Variants in ZNF44 observed in about 807,000 individuals in gnomAD.
ZNF44 encodes gonadotropin inducible transcription repressor-2.
ZNF44 carries 9 observed loss-of-function variants against 11.7 expected under a neutral mutation model. The observed-to-expected ratio is 0.77, with a 90% CI of 0.46 to 1.35. The LOEUF (loss-of-function observed/expected upper bound fraction) is 1.35, where lower values mean the gene tolerates loss of function less well. Among genes scored for constraint, ZNF44 ranks in the 40% most tolerant of loss-of-function variants. The pLI is 0.00. For synonymous variants in ZNF44, 224 were observed against 242.7 expected, an observed-to-expected ratio of 0.92 and a Z score of 0.72; for missense variants, 696 against 743.1, an observed-to-expected ratio of 0.94 and a Z score of 0.74.
In ZNF44 at chr19:12,272,406, C is replaced by T; in HGVS notation, c.*1G>A. 2 of 1,535,802 alleles carry T rather than the reference C, an allele frequency of 1.3e-6. No homozygotes were observed. Among genetic ancestry groups the T allele is most frequent in the South Asian group, 1.3e-5 (1 of 76,312 alleles). ...TGAATGCTTTCCCACATTCCATACACTTATAGAATATCCTTCCAGTGTGTC... is the reference window on the plus strand; with the variant it reads ...TGAATGCTTTCCCACATTCCATACATTTATAGAATATCCTTCCAGTGTGTC... On this transcript the variant is annotated 3_prime_UTR_variant, in exon 4 of 4. Transcript: ENST00000355684.
At chr19:12,235,289 A>C (rs1394157487) in intron 1 of ZNF44, among the ~76,000 whole-genome samples, 5 of 152,190 alleles carry the variant, frequency 3.3e-5, no homozygotes, top group African/African-American at 1.2e-4. Context: ...GAATGGCGTG[A>C]ACCTGGGAGG....
chr19:12,276,050 G>A lies in ZNF44; in HGVS notation c.36C>T (p.Asn12=). The change falls in exon 2 of 4, where the codon AAC becomes AAT. Residue 12 remains asparagine, a synonymous_variant. Coordinates refer to ENST00000355684, the MANE Select transcript of ZNF44 (RefSeq NM_016264.4). ...DSVAFEDVAV[N]FTHEEWALLG... Reference sequence around the variant, plus strand: ...GCAAAGCCCACTCCTCATGGGTGAAGTTCACAGCCACATCCTCAAAGGCCA... The same window carrying A: ...GCAAAGCCCACTCCTCATGGGTGAAATTCACAGCCACATCCTCAAAGGCCA... The A allele has an allele frequency of 1.2e-6, 2 of 1,608,470 alleles. No individual in the cohort carries two copies. Among genetic ancestry groups the A allele is most frequent in the Non-Finnish European group, 8.5e-7 (1 of 1,176,182 alleles).
chr19:12,286,104 G>A (rs1401471414), intron 1 of ZNF44, among the ~76,000 whole-genome samples: 3 of 152,152 alleles, frequency 2.0e-5, no homozygotes, highest in South Asian at 4.1e-4. Context: ...ATTTTAGCAT[G>A]TGTCAAACAG....
chr19:12,260,247 G>C (rs985334190), intron 5 of ZNF44: 1 of 808,308 alleles, frequency 1.2e-6, no homozygotes, highest in African/African-American at 1.7e-5. Flanking sequence ...CCGCTACAAC[G>C]GGCTGATTCA....
At chr19:12,230,255 G>A (rs747128454) in intron 3 of ZNF44, among the ~76,000 whole-genome samples, 46 of 152,322 alleles carry the variant, frequency 3.0e-4, no homozygotes, top group Middle Eastern at 3.4e-3. Flanking sequence ...AGAAGAAGCC[G>A]AGGGTGTCTG....
chr19:12,289,289 G>C (rs1267770017), intron 1 of ZNF44, among the ~76,000 whole-genome samples: 1 of 152,026 alleles, frequency 6.6e-6, no homozygotes, highest in Non-Finnish European at 1.5e-5. Context: ...GTCTGAGCAA[G>C]AGTGAAATTG....
chr19:12,229,971 T>C (rs1026983434), intron 3 of ZNF44, among the ~76,000 whole-genome samples: 3 of 151,942 alleles, frequency 2.0e-5, no homozygotes, highest in Non-Finnish European at 4.4e-5. Flanking sequence ...ACAGGGAGCG[T>C]TGGGATTTAA....
At chr19:12,248,000 G>A (rs751888196) in exon 8 of ZNF44, 7 of 1,341,324 alleles carry the variant, frequency 5.2e-6, no homozygotes, top group East Asian at 4.8e-5. Context: ...TGTGATATAC[G>A]AACACTTTCC....
upstream of ZNF44, among the ~76,000 whole-genome samples, chr19:12,238,624 CAAAAAAAA>C (rs760047200): frequency 3.2e-5 from 2 of 62,660 alleles, no homozygotes; most frequent in East Asian, 4.9e-4. Flanking sequence ...GAGACTGTCT[CAAAAAAAA>C]AAAAAAAAAA....
At chr19:12,262,554 C>T (rs1170595811) in intron 5 of ZNF44, among the ~76,000 whole-genome samples, 1 of 152,118 alleles carries the variant, frequency 6.6e-6, no homozygotes, top group Non-Finnish European at 1.5e-5. Context: ...CAGGCCTGAG[C>T]CACTGCACCC....
At chr19:12,276,357 T>C (rs1967219156) in intron 1 of ZNF44, among the ~76,000 whole-genome samples, 1 of 152,214 alleles carries the variant, frequency 6.6e-6, no homozygotes, top group Admixed American at 6.5e-5. Context: ...CTAATGTCTG[T>C]TTCTACAGTG....
intron 1 of ZNF44, among the ~76,000 whole-genome samples, chr19:12,290,829 A>C (rs1047651448): frequency 2.0e-5 from 3 of 152,232 alleles, no homozygotes; most frequent in African/African-American, 7.2e-5. Flanking sequence ...AACTGGGCCC[A>C]CAATGACCTC....
At chr19:12,247,960 T>C (rs1323208120) in exon 8 of ZNF44, 1 of 1,351,106 alleles carries the variant, frequency 7.4e-7, no homozygotes, top group South Asian at 1.2e-5. Context: ...TTCTCTCCAG[T>C]ATGAGTCTTT....
chr19:12,274,901 T>C, intron 3 of ZNF44, 72 bp downstream of exon 3: 2 of 1,197,340 alleles, frequency 1.7e-6, no homozygotes, highest in Admixed American at 5.0e-5. Flanking sequence ...AATCTTTGCT[T>C]CTTTTTAAAA....
chr19:12,248,923 T>TCACTCTGTCACCCAGGCTA (rs556528663), intron 7 of ZNF44, among the ~76,000 whole-genome samples: 6,374 of 149,878 alleles, frequency 0.043, 234 homozygotes, highest in Admixed American at 0.11. Context: ...AGACGGAGTC[T>TCACTCTGTCACCCAGGCTA]CACTCTGTCA....
intron 1 of ZNF44, chr19:12,291,184 G>A: frequency 2.3e-6 from 1 of 440,628 alleles, no homozygotes; most frequent in Non-Finnish European, 4.5e-6. Context: ...ACAGAATGTT[G>A]CATTAATCTG....
intron 5 of ZNF44, chr19:12,260,205 C>A: frequency 1.3e-6 from 1 of 775,904 alleles, no homozygotes; most frequent in Non-Finnish European, 2.4e-6. Context: ...CCTACAGCAC[C>A]AAGCCCAGTA....
At chr19:12,257,914 T>G (rs1917329662) in intron 5 of ZNF44, among the ~76,000 whole-genome samples, 1 of 151,206 alleles carries the variant, frequency 6.6e-6, no homozygotes, top group Non-Finnish European at 1.5e-5. Context: ...GAGATTACAG[T>G]GAGCCAAGAT....
chr19:12,266,437 A>C (rs1917731370), intron 5 of ZNF44: 46 of 646,734 alleles, frequency 7.1e-5, no homozygotes, highest in South Asian at 1.4e-4. Context: ...ACCCAAACCC[A>C]CGGGCTTTAG....
Sources: allele counts gnomAD v4.1 joint callset (sites outside exome capture counted in the v4.1 genomes callset), GRCh38; gene constraint gnomAD v4.1.1; transcripts MANE v1.5; gene names NCBI Gene and HGNC (gene_info 2026-07-23, HGNC 2026-07-21).